LRCH2: variants seen among roughly 807,000 people sequenced by gnomAD.
LRCH2 encodes the protein leucine-rich repeat and calponin homology domain-containing protein 2.
Under a neutral mutation model 68.9 loss-of-function variants are expected in LRCH2, and 38 were observed. The ratio of observed to expected loss-of-function variants is 0.55; its 90% CI spans 0.43 to 0.72. The LOEUF (loss-of-function observed/expected upper bound fraction) is 0.72, where lower values mean the gene tolerates loss of function less well. Ranked by LOEUF, LRCH2 falls within the 30% of genes least tolerant of loss-of-function variation. The probability of loss-of-function intolerance (pLI) is 0.00; values close to 1 mark genes in which losing one functional copy is unlikely to be tolerated. For synonymous variants in LRCH2, 191 were observed against 208.1 expected (o/e 0.92, Z 0.71); for missense variants, 528 against 572.9 (o/e 0.92, Z 0.80).
At chrX:115,164,408 T>C (rs2072542281) in intron 10 of LRCH2, among the ~76,000 whole-genome samples, 1 of 111,512 alleles carries the variant, frequency 9.0e-6, no homozygotes, top group Non-Finnish European at 1.9e-5. Flanking sequence ...CTTTGTGACT[T>C]TACCACATCG....
chrX:115,210,135 T>G (rs1409407211), intron 1 of LRCH2, among the ~76,000 whole-genome samples: 2 of 112,150 alleles, frequency 1.8e-5, no homozygotes, highest in African/African-American at 6.5e-5. Flanking sequence ...GAAATTTGCA[T>G]AAGTATCCAG....
chrX:115,127,924 T>C (rs905287928), intron 15 of LRCH2, among the ~76,000 whole-genome samples: 1 of 111,469 alleles, frequency 9.0e-6, no homozygotes, highest in African/African-American at 3.3e-5. Flanking sequence ...AAGGAGGATC[T>C]AGAATTTATC....
chrX:115,164,015 A>G (rs1556543333), intron 10 of LRCH2, among the ~76,000 whole-genome samples: 1 of 112,156 alleles, frequency 8.9e-6, no homozygotes, highest in African/African-American at 3.2e-5. Flanking sequence ...AAATAATAGC[A>G]AAGTATATAA....
intron 14 of LRCH2, among the ~76,000 whole-genome samples, chrX:115,148,558 A>G (rs782260470): frequency 8.9e-6 from 1 of 112,056 alleles, no homozygotes. Context: ...CCATACCATC[A>G]GTCATTCACT....
At chrX:115,160,281 A>G (rs782216090) in intron 11 of LRCH2, among the ~76,000 whole-genome samples, 14 of 111,208 alleles carry the variant, frequency 1.3e-4, no homozygotes, top group African/African-American at 4.6e-4. Context: ...GCACCACTGC[A>G]CTCCAGCCTG....
At chrX:115,223,930 A>C (rs1485175175) in intron 1 of LRCH2, among the ~76,000 whole-genome samples, 1 of 110,109 alleles carries the variant, frequency 9.1e-6, no homozygotes, top group Non-Finnish European at 1.9e-5. Flanking sequence ...CGGTCTCGAA[A>C]AAAAAAAAAG....
chrX:115,130,765 A>C (rs1220604794), intron 14 of LRCH2, among the ~76,000 whole-genome samples: 1 of 112,110 alleles, frequency 8.9e-6, no homozygotes, highest in Non-Finnish European at 1.9e-5. Context: ...AGTGCTTGCT[A>C]TATGCCAGGC....
chrX:115,177,589 T>C (rs1569514929), intron 5 of LRCH2, among the ~76,000 whole-genome samples: 2 of 112,091 alleles, frequency 1.8e-5, no homozygotes, highest in South Asian at 3.7e-4. Flanking sequence ...AATCCCTTTA[T>C]AGCTTCACTG....
chrX:115,129,809 T>C (rs2072227457), intron 15 of LRCH2, among the ~76,000 whole-genome samples: 1 of 109,665 alleles, frequency 9.1e-6, no homozygotes, highest in African/African-American at 3.3e-5. Flanking sequence ...GTGGAAGGAG[T>C]TCCTAAACAA....
rs782181885 is a variant in LRCH2 at position 115,190,259 on chromosome X, G to A, written c.350-1889C>T. 2.0e-4 allele frequency: 229 copies of A among 1,155,564 alleles called. No individual in the cohort carries two copies. The East Asian group carries it at 4.1e-3, about 21-fold the overall frequency. ...GGCCACTCCAGTGTCCCGGACTACC[G>A]TCCCTTGAGAGGCGACGGCAACCAA... On this transcript the variant is annotated intron_variant, in intron 1 of 20. Transcript: ENST00000317135.
Position 115,150,044 on chromosome X carries a change from G to C in LRCH2, c.1556C>G (p.Pro519Arg). Residue 519 changes from proline to arginine, a missense_variant, in exon 13 of 21, where the codon CCA becomes CGA. Pro to Arg is a moderately radical substitution (Grantham distance 103). Coordinates refer to ENST00000317135, the MANE Select transcript of LRCH2 (RefSeq NM_020871.4). ...KSVSADEVNS[P>R]LSPLTWQPLE... ...TACCTGCCAGGTGAGGGGTGATAAT[G>C]GTGAATTAACTTCATCTGCTGAGAC... is the stretch of plus-strand genomic sequence containing the variant. 1 of 1,170,069 alleles carries C rather than the reference G, an allele frequency of 8.5e-7. No individual in the cohort carries two copies. The highest frequency in any genetic ancestry group is 1.1e-6 in the Non-Finnish European group (1 of 873,191).
chrX:115,220,849 C>T (rs2073073537), intron 1 of LRCH2, among the ~76,000 whole-genome samples: 1 of 110,394 alleles, frequency 9.1e-6, no homozygotes, highest in Non-Finnish European at 1.9e-5. Flanking sequence ...TTTAAACGGC[C>T]AGCTACTCTA....
intron 14 of LRCH2, among the ~76,000 whole-genome samples, chrX:115,133,145 T>G (rs1556530831): frequency 8.9e-6 from 1 of 112,360 alleles, no homozygotes; most frequent in Non-Finnish European, 1.9e-5. Flanking sequence ...TGCACAAGCA[T>G]TGCCTTCATA....
intron 1 of LRCH2, chrX:115,191,512 G>A: frequency 8.7e-7 from 1 of 1,151,015 alleles, no homozygotes; most frequent in Non-Finnish European, 1.2e-6. Context: ...TGCCTACAGT[G>A]GGGGCCACGA....
chrX:115,174,591 A>ACCC (rs59540810), intron 5 of LRCH2, among the ~76,000 whole-genome samples: 1 of 88,806 alleles, frequency 1.1e-5, no homozygotes, highest in African/African-American at 4.4e-5. Context: ...ACACAAACAC[A>ACCC]CCCCCCCCCC....
intron 20 of LRCH2, among the ~76,000 whole-genome samples, chrX:115,113,859 A>C (rs2072060757): frequency 9.0e-6 from 1 of 111,384 alleles, no homozygotes; most frequent in Non-Finnish European, 1.9e-5. Context: ...ATTGTGCAGT[A>C]GCTTTCATTA....
chrX:115,229,284 T>C (rs1387026571), intron 1 of LRCH2, among the ~76,000 whole-genome samples: 1 of 110,997 alleles, frequency 9.0e-6, no homozygotes, highest in African/African-American at 3.3e-5. Context: ...AGCACTGGAG[T>C]TGAAAAACCT....
chrX:115,129,156 T>C (rs2072222575), intron 15 of LRCH2, among the ~76,000 whole-genome samples: 2 of 111,787 alleles, frequency 1.8e-5, no homozygotes, highest in Non-Finnish European at 1.9e-5. Flanking sequence ...GGGAGAGGTC[T>C]GGACTACAGA....
At chrX:115,127,520 A>G (rs142287098) in intron 15 of LRCH2, among the ~76,000 whole-genome samples, 1 of 111,482 alleles carries the variant, frequency 9.0e-6, no homozygotes, top group Non-Finnish European at 1.9e-5. Context: ...TTAGTAAAAT[A>G]TCACCCATTC....
Sources: gnomAD v4.1 joint callset for allele counts (sites outside exome capture counted in the v4.1 genomes callset) on GRCh38, gnomAD v4.1.1 for gene constraint, MANE v1.5 for transcripts, NCBI Gene and HGNC (gene_info 2026-07-23, HGNC 2026-07-21) for gene names.